FBRSL1: variants seen among roughly 807,000 people sequenced by gnomAD.
FBRSL1 encodes the protein fibrosin like 1.
A neutral mutation model predicts 89.6 loss-of-function variants in FBRSL1; 51 were observed. That is an observed-to-expected ratio of 0.57 (90% confidence interval 0.45 to 0.72). The LOEUF is 0.72. Ranked by LOEUF, FBRSL1 falls within the 30% of genes least tolerant of loss-of-function variation. FBRSL1 has a pLI of 0.00. For missense variants in FBRSL1, 1,618 were observed against 1,451.8 expected (o/e 1.11, Z -1.86); for synonymous variants, 779 against 681.1 (o/e 1.14, Z -2.24).
rs956019771 is a variant in FBRSL1 at position 132,538,642 on chromosome 12, A to C, written c.616-9361A>C. On this transcript the variant is annotated intron_variant, in intron 4 of 18. Transcript: ENST00000680143. ...GGCACTGTGGGGAGGGTGCACAGGC[A>C]AGTCCGGCTCTGGCGTGTCTGCTCC... Among the ~76,000 whole-genome samples, 169 of 152,280 alleles carry C rather than the reference A, an allele frequency of 1.1e-3. 1 individual carries two copies. Among genetic ancestry groups the C allele is most frequent in the African/African-American group, 3.9e-3 (162 of 41,558 alleles).
chr12:132,521,220 C>T (rs887397483), intron 2 of FBRSL1, among the ~76,000 whole-genome samples: 6 of 152,224 alleles, frequency 3.9e-5, no homozygotes, highest in African/African-American at 7.2e-5. Flanking sequence ...TAAGAGGAAG[C>T]GGGAGCTGCG....
chr12:132,510,107 G>A (rs559370001), intron 2 of FBRSL1: 58 of 1,224,996 alleles, frequency 4.7e-5, no homozygotes, highest in Middle Eastern at 6.2e-4. Flanking sequence ...TCATGGGCCC[G>A]GAGCAGCCCT....
chr12:132,533,779 C>T (rs1479317295), intron 4 of FBRSL1, among the ~76,000 whole-genome samples: 2 of 152,244 alleles, frequency 1.3e-5, no homozygotes, highest in Non-Finnish European at 2.9e-5. Context: ...TTGTGAGGAG[C>T]ACGTCACACA....
chr12:132,547,950 G>A, intron 4 of FBRSL1, 53 bp from the exon 5 acceptor site: 1 of 1,546,378 alleles, frequency 6.5e-7, no homozygotes, highest in Non-Finnish European at 8.7e-7. Context: ...TGCCCCGGGG[G>A]GTGACACTGG....
rs993700642 is a variant in FBRSL1, at chr12:132,549,157, C to T, written c.645+1125C>T. On this transcript the variant is annotated intron_variant, in intron 5 of 18. Coordinates refer to ENST00000680143, the MANE Select transcript of FBRSL1 (RefSeq NM_001367871.1). ...GTAAGTCGCCGTGGAAGCCAGAGGC[C>T]GCACCGTCGCCGCGGCCTGGGGTCT... 3.9e-5 allele frequency among the ~76,000 whole-genome samples: 6 copies of T among 152,314 alleles called. No individual in the cohort carries two copies. In the Middle Eastern group the frequency reaches 0.01, roughly 259 times the overall value.
At position 132,576,913 on chromosome 12, in the gene FBRSL1, C is replaced by T. The variant is rs1220784483; in HGVS notation, c.1816C>T (p.Pro606Ser). 4 of 1,549,786 alleles carry T rather than the reference C, an allele frequency of 2.6e-6. No individual in the cohort carries two copies. The highest frequency in any genetic ancestry group is 3.5e-6 in the Non-Finnish European group (4 of 1,146,526). The change falls in exon 15 of 19, where the codon CCC becomes TCC. Residue 606 changes from proline (P) to serine (S), a missense_variant. Transcript: ENST00000680143. ...GFHYPQDLAR[P>S]LFPSTGAAHP... ...CCACTACCCACAGGACCTGGCCCGG[C>T]CCCTCTTCCCCAGCACAGGTGAGAC...
At position 132,574,398 on chromosome 12, in the gene FBRSL1, C is replaced by T. The variant is rs546771681; in HGVS notation, c.1629+50C>T. ...TGGCAAGGGAGGACTCTGGTGCCCC[C>T]GGGGCGGCCTCGGGGGGCCCGTGAC... On this transcript the variant is annotated intron_variant, in intron 13 of 18. Transcript: ENST00000680143. 2.2e-4 allele frequency: 348 copies of T among 1,548,920 alleles called. 1 individual carries two copies. The highest frequency in any genetic ancestry group is 1.0e-3 in the South Asian group (84 of 83,854).
chr12:132,507,592 T>C (rs1303643365), intron 1 of FBRSL1, among the ~76,000 whole-genome samples: 1 of 152,046 alleles, frequency 6.6e-6, no homozygotes, highest in Admixed American at 6.5e-5. Flanking sequence ...CAGGGTCTGG[T>C]AGCCCAAAGG....
At chr12:132,556,983 G>T (rs1007505387) in intron 5 of FBRSL1, among the ~76,000 whole-genome samples, 3 of 152,204 alleles carry the variant, frequency 2.0e-5, no homozygotes, top group Non-Finnish European at 4.4e-5. Context: ...TGGCCCCAGC[G>T]CTCGGCTAAC....
At chr12:132,581,004 C>T (rs2040706898) in intron 15 of FBRSL1, 1 of 985,494 alleles carries the variant, frequency 1.0e-6, no homozygotes, top group Non-Finnish European at 1.2e-6. Context: ...GCCTCCAAGA[C>T]AGAACCGTGT....
intron 2 of FBRSL1, among the ~76,000 whole-genome samples, chr12:132,512,553 C>T (rs1321302714): frequency 6.6e-6 from 1 of 152,244 alleles, no homozygotes; most frequent in Non-Finnish European, 1.5e-5. Flanking sequence ...TTCAGACGTC[C>T]CTGTTGTCAG....
intron 4 of FBRSL1, among the ~76,000 whole-genome samples, chr12:132,532,404 G>T (rs775846672): frequency 1.4e-4 from 21 of 152,070 alleles, no homozygotes; most frequent in Non-Finnish European, 2.8e-4. Flanking sequence ...CGGCTGCCCA[G>T]CCCCTTGTGC....
Position 132,584,412 on chromosome 12 carries a change from C to CTT in FBRSL1, c.*635_*636dup, listed in dbSNP as rs1429800759. ...TATAAATATATGACGTTACTAAATT[C>CTT]TTAATCTAGATAGACTTTATAAAAA... On this transcript the variant is annotated 3_prime_UTR_variant, in exon 19 of 19. Coordinates refer to ENST00000680143, the MANE Select transcript of FBRSL1 (RefSeq NM_001367871.1). The CTT allele has an allele frequency of 2.0e-5, 3 of 152,190 alleles. No individual in the cohort carries two copies. Among genetic ancestry groups the CTT allele is most frequent in the African/African-American group, 4.8e-5 (2 of 41,438 alleles). The allele number at this position is 152,190 out of a possible 1,614,324, so 9.4% of individuals were successfully genotyped here. A position where few individuals can be genotyped will look rare whatever the true frequency, so the allele number is the denominator to read the frequency against.
At chr12:132,572,377 C>A (rs1465049476) in intron 10 of FBRSL1, 33 bp downstream of exon 10, 1 of 1,549,314 alleles carries the variant, frequency 6.5e-7, no homozygotes, top group Non-Finnish European at 8.7e-7. Flanking sequence ...GCGCGTGTCG[C>A]TGTGCACGCA....
At chr12:132,534,804 C>G (rs1247115995) in intron 4 of FBRSL1, among the ~76,000 whole-genome samples, 1 of 152,250 alleles carries the variant, frequency 6.6e-6, no homozygotes, top group Non-Finnish European at 1.5e-5. Context: ...GCTGGCAGCA[C>G]CATTCCAGCA....
chr12:132,547,635 G>A lies in FBRSL1; in HGVS notation c.616-368G>A, dbSNP rs901293936. Among the ~76,000 whole-genome samples, 5 of 152,224 alleles carry A rather than the reference G, an allele frequency of 3.3e-5. No individual in the cohort carries two copies. The East Asian group carries it at 9.6e-4, about 29-fold the overall frequency. On this transcript the variant is annotated intron_variant, in intron 4 of 18. Transcript: ENST00000680143. ...GCCGGAGGCTGCCCTCCTTCCTGGT[G>A]TGAGGAAGGCTCTGGCTGGCCCAGG... is the stretch of plus-strand genomic sequence containing the variant.
chr12:132,557,902 G>A (rs1159126923), intron 5 of FBRSL1, among the ~76,000 whole-genome samples: 1 of 152,184 alleles, frequency 6.6e-6, no homozygotes, highest in African/African-American at 2.4e-5. Context: ...GGATGCACTG[G>A]ATCCATCTGT....
intron 1 of FBRSL1, among the ~76,000 whole-genome samples, chr12:132,504,729 A>G (rs894947805): frequency 1.3e-5 from 2 of 152,002 alleles, no homozygotes; most frequent in Admixed American, 6.5e-5. Context: ...GGTGCTGGGG[A>G]CAGCTCCTGG....
chr12:132,523,809 G>A (rs772148381), intron 2 of FBRSL1, among the ~76,000 whole-genome samples: 16 of 152,218 alleles, frequency 1.1e-4, no homozygotes, highest in Non-Finnish European at 1.5e-4. Context: ...GGGAGACGAT[G>A]ATGCATTCCC....
Sources: gnomAD v4.1 joint callset for allele counts (sites outside exome capture counted in the v4.1 genomes callset) on GRCh38, gnomAD v4.1.1 for gene constraint, MANE v1.5 for transcripts, NCBI Gene and HGNC (gene_info 2026-07-23, HGNC 2026-07-21) for gene names.